KCNQ1OT1: variants seen among roughly 807,000 people sequenced by gnomAD.
KCNQ1OT1 encodes KCNQ1 opposite strand/antisense transcript 1.
exon 1 of KCNQ1OT1, chr11:2,699,899 AGGCACCCCGGCAGAATCGCGCTGAGG>A (rs1003260886): frequency 5.0e-6 from 2 of 397,182 alleles, no homozygotes; most frequent in African/African-American, 4.2e-5. Context: ...CCACGCTGAG[AGGCACCCCGGCAGAATCGCGCTGAGG>A]GGCGCCCTGG....
rs921159101 is a variant in KCNQ1OT1 at position 2,653,185 on chromosome 11, C to T, written n.46810G>A. 2.5e-6 allele frequency: 1 copy of T among 398,614 alleles called. No homozygotes were observed. The highest frequency in any genetic ancestry group is 2.1e-5 in the African/African-American group (1 of 48,654). 24.7% of individuals were successfully genotyped at this position (398,614 alleles called of 1,614,324 possible). On this transcript the variant is annotated non_coding_transcript_exon_variant, in exon 1 of 1. Coordinates refer to ENST00000597346, the Ensembl canonical transcript of KCNQ1OT1. The surrounding 1 kb of genome is among the most constrained non-coding windows in gnomAD (Gnocchi z 5.3). Reference sequence around the variant, plus strand: ...CTTAGGAAATCCCTTTCCAAGAGTTCCCTGTGCTGTTGCAGGGCTAGGGCC... The same window carrying T: ...CTTAGGAAATCCCTTTCCAAGAGTTTCCTGTGCTGTTGCAGGGCTAGGGCC...
chr11:2,699,912 G>T (rs1161152268), exon 1 of KCNQ1OT1: 9 of 398,288 alleles, frequency 2.3e-5, no homozygotes, highest in Non-Finnish European at 3.5e-5. Flanking sequence ...CACCCCGGCA[G>T]AATCGCGCTG....
chr11:2,683,645 GA>G lies in KCNQ1OT1; in HGVS notation n.16349del, dbSNP rs1850436654. ...AACTGGGCCCTGCATCTGCTGCAAG[GA>G]ACATCCCTTACTTTCCCATCTCAAT... On this transcript the variant is annotated non_coding_transcript_exon_variant, in exon 1 of 1. Transcript: ENST00000597346. The surrounding 1 kb of genome is among the most constrained non-coding windows in gnomAD (Gnocchi z 4.7). 2 of 398,498 alleles carry G rather than the reference GA, an allele frequency of 5.0e-6. No homozygotes were observed. The highest frequency in any genetic ancestry group is 8.8e-6 in the Non-Finnish European group (2 of 226,080). The allele number at this position is 398,498 out of a possible 1,614,324, so 24.7% of individuals were successfully genotyped here.
rs1324805276 is a variant in KCNQ1OT1, at chr11:2,645,487, C to A, written n.54508G>T. 2 of 398,554 alleles carry A rather than the reference C, an allele frequency of 5.0e-6. No individual in the cohort carries two copies. Among genetic ancestry groups the A allele is most frequent in the South Asian group, 1.3e-4 (1 of 7,832 alleles). The allele number at this position is 398,554 out of a possible 1,614,324, so 24.7% of individuals were successfully genotyped here. A position where few individuals can be genotyped will look rare whatever the true frequency, so the allele number is the denominator to read the frequency against. On this transcript the variant is annotated non_coding_transcript_exon_variant, in exon 1 of 1. Transcript: ENST00000597346. The surrounding 1 kb of genome is among the most constrained non-coding windows in gnomAD (Gnocchi z 5.8). ...ATCCCTGTATACCCTGCTGAATGCTCATGTTGGGGCAGCAGCAACTCTATT... is the reference window on the plus strand; with the variant it reads ...ATCCCTGTATACCCTGCTGAATGCTAATGTTGGGGCAGCAGCAACTCTATT...
At chr11:2,630,809 G>A (rs1386778593) in exon 1 of KCNQ1OT1, 3 of 398,342 alleles carry the variant, frequency 7.5e-6, no homozygotes, top group Admixed American at 8.8e-5. Context: ...ACCTGAGGAA[G>A]TCTTGTATCT....
Position 2,617,745 on chromosome 11 carries a change from A to G in KCNQ1OT1, n.82250T>C, listed in dbSNP as rs1380787952. On this transcript the variant is annotated non_coding_transcript_exon_variant, in exon 1 of 1. Coordinates refer to ENST00000597346, the Ensembl canonical transcript of KCNQ1OT1. This position sits in a 1 kb window ranked among gnomAD's most constrained non-coding sequence, Gnocchi z 4.6. ...GCTATTCTCATGAGTGTGAGGTGATATCGCATAGTAATTTTGATTTGCATT... is the reference window on the plus strand; with the variant it reads ...GCTATTCTCATGAGTGTGAGGTGATGTCGCATAGTAATTTTGATTTGCATT... The G allele has an allele frequency of 2.5e-6, 1 of 398,450 alleles. No individual in the cohort carries two copies. The highest frequency in any genetic ancestry group is 4.4e-6 in the Non-Finnish European group (1 of 226,036). The allele number at this position is 398,450 out of a possible 1,614,324, so 24.7% of individuals were successfully genotyped here.
chr11:2,645,005 G>A lies in KCNQ1OT1; in HGVS notation n.54990C>T, dbSNP rs1418734044. The stretch of plus-strand genomic sequence containing the variant: ...TGTATGCTGGTACCAGTGTTAGCAA[G>A]TCCAGGGAAACCAATTTTGGGCCTC... On this transcript the variant is annotated non_coding_transcript_exon_variant, in exon 1 of 1. Coordinates refer to ENST00000597346, the Ensembl canonical transcript of KCNQ1OT1. The surrounding 1 kb of genome is among the most constrained non-coding windows in gnomAD (Gnocchi z 5.8). 2 of 398,618 alleles carry A rather than the reference G, an allele frequency of 5.0e-6. No individual in the cohort carries two copies. Among genetic ancestry groups the A allele is most frequent in the African/African-American group, 4.1e-5 (2 of 48,626 alleles). The allele number at this position is 398,618 out of a possible 1,614,324, so 24.7% of individuals were successfully genotyped here. A position where few individuals can be genotyped will look rare whatever the true frequency, so the allele number is the denominator to read the frequency against.
rs1850625615 is a variant in KCNQ1OT1 at position 2,693,643 on chromosome 11, G to A, written n.6352C>T. 1.5e-5 allele frequency: 6 copies of A among 398,640 alleles called. No homozygotes were observed. In the East Asian group the frequency reaches 2.1e-4, roughly 14 times the overall value. The allele number at this position is 398,640 out of a possible 1,614,324, so 24.7% of individuals were successfully genotyped here. On this transcript the variant is annotated non_coding_transcript_exon_variant, in exon 1 of 1. Coordinates refer to ENST00000597346, the Ensembl canonical transcript of KCNQ1OT1. ...TCGCCCAGCCGTAGGAAAGGCTCTGGGAGAAAGGCTTTTAGTTCCGCAGAC... is the reference window on the plus strand; with the variant it reads ...TCGCCCAGCCGTAGGAAAGGCTCTGAGAGAAAGGCTTTTAGTTCCGCAGAC...
At chr11:2,662,214 T>C in exon 1 of KCNQ1OT1, 1 of 1,270,166 alleles carries the variant, frequency 7.9e-7, no homozygotes, top group Non-Finnish European at 1.1e-6. Context: ...ACTTGCCGTC[T>C]GCCTGGCCCC....
chr11:2,618,513 T>C (rs1451924353), exon 1 of KCNQ1OT1: 3 of 398,586 alleles, frequency 7.5e-6, no homozygotes, highest in Non-Finnish European at 1.3e-5. Flanking sequence ...TGATCATATA[T>C]CTTTGAATTT....
Position 2,673,173 on chromosome 11 carries a change from G to C in KCNQ1OT1, n.26822C>G. On this transcript the variant is annotated non_coding_transcript_exon_variant, in exon 1 of 1. Coordinates refer to ENST00000597346, the Ensembl canonical transcript of KCNQ1OT1. The surrounding 1 kb of genome is among the most constrained non-coding windows in gnomAD (Gnocchi z 4.5). ...TGACCCAAGCACGAGGATCAGAATG[G>C]GCCCTGGAGCCAAGGCCAAAAGCCG... 1 of 398,734 alleles carries C rather than the reference G, an allele frequency of 2.5e-6. No homozygotes were observed. The highest frequency in any genetic ancestry group is 4.4e-6 in the Non-Finnish European group (1 of 226,152). The allele number at this position is 398,734 out of a possible 1,614,324, so 24.7% of individuals were successfully genotyped here.
exon 1 of KCNQ1OT1, chr11:2,655,704 G>A: frequency 3.3e-4 from 4 of 12,252 alleles, no homozygotes; most frequent in Non-Finnish European, 4.8e-4. Flanking sequence ...TCCCCTCCAT[G>A]CTCTCCTAGA....
At position 2,669,574 on chromosome 11, in the gene KCNQ1OT1, C is replaced by T. The variant is rs1008200725; in HGVS notation, n.30421G>A. The T allele has an allele frequency of 7.5e-6, 3 of 398,492 alleles. No individual in the cohort carries two copies. Among genetic ancestry groups the T allele is most frequent in the African/African-American group, 6.2e-5 (3 of 48,626 alleles). The allele number at this position is 398,492 out of a possible 1,614,324, so 24.7% of individuals were successfully genotyped here. A position where few individuals can be genotyped will look rare whatever the true frequency, so the allele number is the denominator to read the frequency against. On this transcript the variant is annotated non_coding_transcript_exon_variant, in exon 1 of 1. Coordinates refer to ENST00000597346, the Ensembl canonical transcript of KCNQ1OT1. This position sits in a 1 kb window ranked among gnomAD's most constrained non-coding sequence, Gnocchi z 5.6. ...TCAGGGAGCCCTGGCCAGCTTGGGT[C>T]ATTTCATCCTGCCCACAGGACACTG... is the stretch of plus-strand genomic sequence containing the variant.
At position 2,683,099 on chromosome 11, in the gene KCNQ1OT1, G is replaced by A. The variant is rs541787860; in HGVS notation, n.16896C>T. The stretch of plus-strand genomic sequence containing the variant: ...GGACCAGGAGCCTTCAGATTTTCTT[G>A]TTCCCAGGATATATCGCACCAACTC... On this transcript the variant is annotated non_coding_transcript_exon_variant, in exon 1 of 1. Transcript: ENST00000597346. The surrounding 1 kb of genome is among the most constrained non-coding windows in gnomAD (Gnocchi z 4.7). 2.5e-6 allele frequency: 1 copy of A among 395,304 alleles called. No homozygotes were observed. The highest frequency in any genetic ancestry group is 2.1e-5 in the African/African-American group (1 of 47,138). 24.5% of individuals were successfully genotyped at this position (395,304 alleles called of 1,614,324 possible). A position where few individuals can be genotyped will look rare whatever the true frequency, so the allele number is the denominator to read the frequency against.
chr11:2,681,896 A>C (rs917910229), exon 1 of KCNQ1OT1: 9 of 398,432 alleles, frequency 2.3e-5, no homozygotes, highest in African/African-American at 1.9e-4. Context: ...GAGAAAACAC[A>C]CCGGCCATAA....
exon 1 of KCNQ1OT1, chr11:2,689,822 C>T: frequency 2.5e-6 from 1 of 398,742 alleles, no homozygotes; most frequent in Non-Finnish European, 4.4e-6. Flanking sequence ...GGTGCTTGGC[C>T]CTCCCAGGTG....
chr11:2,619,332 A>G, exon 1 of KCNQ1OT1: 1 of 398,520 alleles, frequency 2.5e-6, no homozygotes, highest in East Asian at 3.6e-5. Context: ...GGCATTCGTT[A>G]TATTGAGGAG....
At chr11:2,665,383 T>C (rs886658546) in exon 1 of KCNQ1OT1, 4 of 398,156 alleles carry the variant, frequency 1.0e-5, no homozygotes, top group Non-Finnish European at 1.3e-5. Context: ...AGGAGCCCTG[T>C]ACCCCAAGAG....
exon 1 of KCNQ1OT1, chr11:2,640,838 C>G (rs1359927632): frequency 5.0e-6 from 2 of 399,062 alleles, no homozygotes; most frequent in Non-Finnish European, 8.8e-6. Flanking sequence ...CCAGACATAC[C>G]TTTCACAGCC....
Sources: allele counts gnomAD v4.1 joint callset, GRCh38; gene constraint gnomAD v4.1.1; non-coding constraint Gnocchi (gnomAD v3.1); transcripts MANE v1.5; gene names NCBI Gene and HGNC (gene_info 2026-07-23, HGNC 2026-07-21).